CFAP97D2: variants seen among roughly 807,000 people sequenced by gnomAD.
CFAP97D2 encodes uncharacterized protein CFAP97D2.
At chr13:114,191,187 T>G (rs1036250290) in intron 1 of CFAP97D2, among the ~76,000 whole-genome samples, 1 of 152,040 alleles carries the variant, frequency 6.6e-6, no homozygotes, top group South Asian at 2.1e-4. Flanking sequence ...CTTTTTTTTT[T>G]AAATCAGCAA....
At chr13:114,209,434 C>T (rs1402048265) in intron 3 of CFAP97D2, among the ~76,000 whole-genome samples, 1 of 152,234 alleles carries the variant, frequency 6.6e-6, no homozygotes, top group Non-Finnish European at 1.5e-5. Flanking sequence ...GTCTCAAGTA[C>T]AACACCTTTC....
intron 4 of CFAP97D2, among the ~76,000 whole-genome samples, chr13:114,213,750 C>T (rs2080981006): frequency 6.8e-6 from 1 of 147,948 alleles, no homozygotes; most frequent in Non-Finnish European, 1.5e-5. Context: ...CCACAGACCC[C>T]ATCCCTGTGG....
In CFAP97D2 at chr13:114,185,755, C is replaced by T. The variant is rs2080851894; in HGVS notation, c.90+6335C>T. 6.6e-6 allele frequency among the ~76,000 whole-genome samples: 1 copy of T among 152,268 alleles called. No homozygotes were observed. Among genetic ancestry groups the T allele is most frequent in the South Asian group, 2.1e-4 (1 of 4,838 alleles). On this transcript the variant is annotated intron_variant, in intron 1 of 4. Transcript: ENST00000646158. This position sits in a 1 kb window ranked among gnomAD's most constrained non-coding sequence, Gnocchi z 5.2. ...AAGTGACATGCCAGCCCCTTGCCAC[C>T]TCAGCCCCCTCCAGATTTGGGCACT...
intron 1 of CFAP97D2, among the ~76,000 whole-genome samples, chr13:114,192,322 G>A (rs1053293300): frequency 6.6e-6 from 1 of 152,194 alleles, no homozygotes; most frequent in Admixed American, 6.5e-5. Flanking sequence ...TTATGCATGT[G>A]TGGATGCAGA....
intron 1 of CFAP97D2, among the ~76,000 whole-genome samples, chr13:114,180,415 T>C (rs1317469589): frequency 6.6e-6 from 1 of 151,998 alleles, no homozygotes; most frequent in Non-Finnish European, 1.5e-5. Flanking sequence ...ACCTGCTGTC[T>C]CCTTTGAGGT....
At chr13:114,222,767 T>A (rs2081026919), downstream of CFAP97D2, 2 of 379,928 alleles carry the variant, frequency 5.3e-6, no homozygotes, top group Non-Finnish European at 9.3e-6. The surrounding 1 kb of genome is among the most constrained non-coding windows in gnomAD (Gnocchi z 4.4). Context: ...CCGGAGCAGC[T>A]GTGAAGTGCC....
Position 114,179,885 on chromosome 13 carries a change from A to G in CFAP97D2, c.90+465A>G, listed in dbSNP as rs905034594. On this transcript the variant is annotated intron_variant, in intron 1 of 4. Transcript: ENST00000646158. The surrounding 1 kb of genome is among the most constrained non-coding windows in gnomAD (Gnocchi z 4.8). ...AGGCTAGTCTTGAACTCCTGATTTC[A>G]GGTGATCCACCTGCCTCAGCCTCCC... Among the ~76,000 whole-genome samples the G allele has an allele frequency of 3.3e-5, 5 of 152,104 alleles. No individual in the cohort carries two copies. The highest frequency in any genetic ancestry group is 3.3e-4 in the Admixed American group (5 of 15,278).
At chr13:114,208,177 C>A (rs1390006328) in intron 3 of CFAP97D2, among the ~76,000 whole-genome samples, 5 of 152,180 alleles carry the variant, frequency 3.3e-5, no homozygotes, top group Admixed American at 6.5e-5. Flanking sequence ...ACTCCTGTGC[C>A]TTTCTTGTAG....
In CFAP97D2 at chr13:114,199,253, T is replaced by C. The variant is rs1424814794; in HGVS notation, c.172-1072T>C. 1.4e-3 allele frequency among the ~76,000 whole-genome samples: 13 copies of C among 9,398 alleles called. 1 individual carries two copies. The African/African-American group carries it at 0.022, about 16-fold the overall frequency. 6.2% of individuals were successfully genotyped at this position (9,398 alleles called of 152,430 possible). ...GCGTCCCCGTGGGTACGGTCCCCAC[T>C]GAGGCGTGACGGCGCTTCCCCGTGG... On this transcript the variant is annotated intron_variant, in intron 2 of 4. Coordinates refer to ENST00000646158, the Ensembl canonical transcript of CFAP97D2.
At chr13:114,212,016 G>A (rs2080968480) in exon 4 of CFAP97D2, 1 of 398,626 alleles carries the variant, frequency 2.5e-6, no homozygotes, top group Admixed American at 4.4e-5. Flanking sequence ...GAGCTCAAAG[G>A]TGGTGTGAAG....
rs748706643 is a variant in CFAP97D2 at position 114,186,254 on chromosome 13, C to T, written c.90+6834C>T. On this transcript the variant is annotated intron_variant, in intron 1 of 4. Coordinates refer to ENST00000646158, the Ensembl canonical transcript of CFAP97D2. The surrounding 1 kb of genome is among the most constrained non-coding windows in gnomAD (Gnocchi z 4.3). ...GTCTCCTCTCTGCTGAGAGCTGAGA[C>T]GTCAGGACAACCAGCTTCAGGGAGG... is the stretch of plus-strand genomic sequence containing the variant. 3.3e-5 allele frequency among the ~76,000 whole-genome samples: 5 copies of T among 152,138 alleles called. No homozygotes were observed. Among genetic ancestry groups the T allele is most frequent in the African/African-American group, 4.8e-5 (2 of 41,428 alleles).
intron 1 of CFAP97D2, among the ~76,000 whole-genome samples, chr13:114,180,501 C>T (rs908614474): frequency 6.6e-6 from 1 of 152,168 alleles, no homozygotes; most frequent in Non-Finnish European, 1.5e-5. Context: ...ATATCATCTC[C>T]CTGGAGTCTT....
In CFAP97D2 at chr13:114,211,220, T is replaced by A. The variant is rs1405561114; in HGVS notation, c.291-692T>A. ...AGGCGCTTCCGCAGCCCCCCATGGCTCCCTCTCCATCCAATGCAGCCTCCT... is the reference window on the plus strand; with the variant it reads ...AGGCGCTTCCGCAGCCCCCCATGGCACCCTCTCCATCCAATGCAGCCTCCT... On this transcript the variant is annotated intron_variant, in intron 3 of 4. Coordinates refer to ENST00000646158, the Ensembl canonical transcript of CFAP97D2. This position sits in a 1 kb window ranked among gnomAD's most constrained non-coding sequence, Gnocchi z 4.2. 6.6e-6 allele frequency among the ~76,000 whole-genome samples: 1 copy of A among 151,992 alleles called. No homozygotes were observed. Among genetic ancestry groups the A allele is most frequent in the Non-Finnish European group, 1.5e-5 (1 of 67,986 alleles).
At chr13:114,193,895 G>A (rs910646370) in intron 1 of CFAP97D2, among the ~76,000 whole-genome samples, 1 of 152,166 alleles carries the variant, frequency 6.6e-6, no homozygotes, top group African/African-American at 2.4e-5. Flanking sequence ...GCCTCCCAGA[G>A]TGCTGGGATT....
At chr13:114,218,691 G>A (rs2081006513) in intron 4 of CFAP97D2, among the ~76,000 whole-genome samples, 1 of 152,118 alleles carries the variant, frequency 6.6e-6, no homozygotes, top group Non-Finnish European at 1.5e-5. Flanking sequence ...ATAGACCAAT[G>A]GAACAGAACA....
intron 1 of CFAP97D2, among the ~76,000 whole-genome samples, chr13:114,181,264 G>A (rs1225066655): frequency 6.6e-6 from 1 of 152,222 alleles, no homozygotes; most frequent in Non-Finnish European, 1.5e-5. Context: ...TGAAAAGGAG[G>A]TTGTGGTGAA....
intron 1 of CFAP97D2, among the ~76,000 whole-genome samples, chr13:114,194,715 G>A (rs1829850590): frequency 9.9e-6 from 1 of 101,300 alleles, no homozygotes; most frequent in Admixed American, 9.4e-5. Context: ...TTTGCTGTAA[G>A]GAAACACTCC....
intron 1 of CFAP97D2, among the ~76,000 whole-genome samples, chr13:114,181,495 C>A (rs75816743): frequency 3.3e-4 from 50 of 152,200 alleles, no homozygotes; most frequent in African/African-American, 1.1e-3. Context: ...ACAGGCCCCA[C>A]TGAATGAGGA....
chr13:114,181,717 T>G (rs59468770), intron 1 of CFAP97D2, among the ~76,000 whole-genome samples: 18,343 of 152,170 alleles, frequency 0.12, 1,229 homozygotes, highest in African/African-American at 0.17. Context: ...GTAAAGGACC[T>G]TGGTAGAATA....
Sources: allele counts gnomAD v4.1 joint callset (sites outside exome capture counted in the v4.1 genomes callset), GRCh38; gene constraint gnomAD v4.1.1; non-coding constraint Gnocchi (gnomAD v3.1); transcripts MANE v1.5; gene names NCBI Gene and HGNC (gene_info 2026-07-23, HGNC 2026-07-21).